Variants in GRID2 observed in about 807,000 individuals in gnomAD.
The protein encoded by GRID2 is glutamate receptor ionotropic, delta-2.
Under a neutral mutation model 114.8 loss-of-function variants are expected in GRID2, and 33 were observed. That is an observed-to-expected ratio of 0.29 (90% confidence interval 0.22 to 0.38). The LOEUF (loss-of-function observed/expected upper bound fraction) is 0.38, where lower values mean the gene tolerates loss of function less well. Among genes scored for constraint, GRID2 ranks in the 10% least tolerant of loss-of-function variants. GRID2 has a pLI of 1.00. For synonymous variants in GRID2, 505 were observed against 449.9 expected, an observed-to-expected ratio of 1.12 and a Z score of -1.55; for missense variants, 1,184 against 1,257.7, an observed-to-expected ratio of 0.94 and a Z score of 0.89.
At chr4:93,426,869 G>C (rs934000118) in intron 10 of GRID2, among the ~76,000 whole-genome samples, 1 of 151,974 alleles carries the variant, frequency 6.6e-6, no homozygotes. Context: ...TTGGAACTAG[G>C]TTTTTATTTT....
At chr4:92,901,750 G>A (rs894329434) in intron 2 of GRID2, among the ~76,000 whole-genome samples, 1 of 151,978 alleles carries the variant, frequency 6.6e-6, no homozygotes, top group African/African-American at 2.4e-5. Flanking sequence ...TTTATGATGT[G>A]CTGTTGGATA....
chr4:93,791,729 C>G (rs775352496), intron 1 of GRID2, among the ~76,000 whole-genome samples: 1 of 152,094 alleles, frequency 6.6e-6, no homozygotes, highest in African/African-American at 2.4e-5. Flanking sequence ...GGAAAGAAAA[C>G]ACGGGCCTCC....
chr4:93,452,935 A>G (rs2149407452), intron 10 of GRID2, among the ~76,000 whole-genome samples: 1 of 151,372 alleles, frequency 6.6e-6, no homozygotes, highest in East Asian at 2.0e-4. Flanking sequence ...CATGTGCACA[A>G]TGTGCAGGTT....
chr4:92,870,265 C>T lies in GRID2; in HGVS notation c.245-214730C>T, dbSNP rs564225274. On this transcript the variant is annotated intron_variant, in intron 2 of 15. Coordinates refer to ENST00000282020, the MANE Select transcript of GRID2 (RefSeq NM_001510.4). ...TATATAATATATTAAGTACATTATACGGACACACACACACACACACACACA... is the reference window on the plus strand; with the variant it reads ...TATATAATATATTAAGTACATTATATGGACACACACACACACACACACACA... Among the ~76,000 whole-genome samples the T allele has an allele frequency of 7.4e-5, 11 of 148,278 alleles. No homozygotes were observed. The South Asian group carries it at 8.5e-4, about 11-fold the overall frequency.
chr4:92,928,246 G>GA (rs1187538348), intron 2 of GRID2, among the ~76,000 whole-genome samples: 1 of 151,614 alleles, frequency 6.6e-6, no homozygotes, highest in Non-Finnish European at 1.5e-5. Context: ...AACAGGAACT[G>GA]AAAATGGAAA....
At chr4:93,636,363 G>A (rs11941527) in intron 14 of GRID2, among the ~76,000 whole-genome samples, 7 of 151,980 alleles carry the variant, frequency 4.6e-5, no homozygotes, top group Non-Finnish European at 1.0e-4. Flanking sequence ...GTTACTAAAG[G>A]CTTTTTAACA....
chr4:93,552,862 T>A (rs1351465602), intron 13 of GRID2, among the ~76,000 whole-genome samples: 1 of 144,020 alleles, frequency 6.9e-6, no homozygotes, highest in African/African-American at 2.5e-5. Context: ...CAACTCCCAT[T>A]TATGAGTGAG....
intron 1 of GRID2, among the ~76,000 whole-genome samples, chr4:92,580,685 A>G (rs1728138681): frequency 1.3e-5 from 2 of 151,928 alleles, no homozygotes; most frequent in South Asian, 4.1e-4. Context: ...TTTCATACAG[A>G]TATTTCTTTG....
intron 1 of GRID2, among the ~76,000 whole-genome samples, chr4:92,388,569 C>G (rs1003520334): frequency 6.6e-6 from 1 of 152,002 alleles, no homozygotes; most frequent in South Asian, 2.1e-4. Flanking sequence ...CTCTAAGACT[C>G]TCATCTTTTA....
At chr4:92,707,800 A>G (rs1302010922) in intron 2 of GRID2, among the ~76,000 whole-genome samples, 1 of 152,232 alleles carries the variant, frequency 6.6e-6, no homozygotes, top group Admixed American at 6.5e-5. Flanking sequence ...TCTGTGTTTG[A>G]AGGAAGTTCG....
At chr4:92,643,179 A>C (rs936515248) in intron 2 of GRID2, among the ~76,000 whole-genome samples, 1 of 151,690 alleles carries the variant, frequency 6.6e-6, no homozygotes, top group African/African-American at 2.4e-5. Flanking sequence ...GAATATGTAC[A>C]TTGCTTTGGG....
chr4:92,743,403 A>AT (rs1281005851), intron 2 of GRID2, among the ~76,000 whole-genome samples: 1 of 152,110 alleles, frequency 6.6e-6, no homozygotes, highest in Non-Finnish European at 1.5e-5. Context: ...TAGATTTCTG[A>AT]TTTGTAGAAA....
intron 2 of GRID2, among the ~76,000 whole-genome samples, chr4:92,888,183 T>C (rs1746505774): frequency 6.6e-6 from 1 of 152,158 alleles, no homozygotes; most frequent in African/African-American, 2.4e-5. Flanking sequence ...ACTCAAACGA[T>C]TATATTGTAT....
chr4:92,893,838 G>A (rs1349015959), intron 2 of GRID2, among the ~76,000 whole-genome samples: 1 of 152,078 alleles, frequency 6.6e-6, no homozygotes, highest in Non-Finnish European at 1.5e-5. Context: ...TATGTTTCGG[G>A]ATAATGTAGA....
intron 2 of GRID2, among the ~76,000 whole-genome samples, chr4:92,819,974 C>T (rs1041623336): frequency 1.7e-4 from 26 of 152,160 alleles, no homozygotes; most frequent in Admixed American, 1.1e-3. Flanking sequence ...AATAGAATTT[C>T]GATGAGTTAA....
intron 10 of GRID2, among the ~76,000 whole-genome samples, chr4:93,453,412 C>G (rs1191311220): frequency 6.6e-6 from 1 of 151,560 alleles, no homozygotes; most frequent in Admixed American, 6.6e-5. Flanking sequence ...ATGCCTCCCA[C>G]AGGGAGGCTA....
chr4:93,207,191 A>C (rs530268264), intron 4 of GRID2, among the ~76,000 whole-genome samples: 3 of 152,200 alleles, frequency 2.0e-5, no homozygotes, highest in Admixed American at 1.3e-4. Context: ...TTATGTTTTC[A>C]AATATAATTA....
intron 2 of GRID2, among the ~76,000 whole-genome samples, chr4:93,068,432 T>A (rs1419137579): frequency 6.6e-6 from 1 of 152,088 alleles, no homozygotes; most frequent in African/African-American, 2.4e-5. Flanking sequence ...AATATCATTA[T>A]GTTATTACTG....
At chr4:92,999,193 AT>A (rs1281388153) in intron 2 of GRID2, among the ~76,000 whole-genome samples, 1 of 151,928 alleles carries the variant, frequency 6.6e-6, no homozygotes, top group Non-Finnish European at 1.5e-5. Flanking sequence ...CACTGTCAAA[AT>A]TTGCATGCGT....
Sources: allele counts gnomAD v4.1 joint callset (sites outside exome capture counted in the v4.1 genomes callset), GRCh38; gene constraint gnomAD v4.1.1; transcripts MANE v1.5; gene names NCBI Gene and HGNC (gene_info 2026-07-23, HGNC 2026-07-21).